RMDN1: variants seen among roughly 807,000 people sequenced by gnomAD.
The protein encoded by RMDN1 is regulator of microtubule dynamics protein 1.
Under a neutral mutation model 48.9 loss-of-function variants are expected in RMDN1, and 48 were observed. That is an observed-to-expected ratio of 0.98 (90% CI 0.78 to 1.25). The LOEUF (loss-of-function observed/expected upper bound fraction) is 1.25. Ranked by LOEUF, RMDN1 falls within the 50% of genes most tolerant of loss-of-function variation. RMDN1 has a pLI of 0.00. For synonymous variants in RMDN1, 148 were observed against 132.6 expected (o/e 1.12, Z -0.80); for missense variants, 418 against 373.4 (o/e 1.12, Z -0.98).
At chr8:86,493,815 T>C (rs185886382) in intron 2 of RMDN1, among the ~76,000 whole-genome samples, 1 of 152,306 alleles carries the variant, frequency 6.6e-6, no homozygotes, top group African/African-American at 2.4e-5. Context: ...GCATAAGATA[T>C]AAATGCAACA....
chr8:86,490,997 A>G (rs2130930710), intron 2 of RMDN1, among the ~76,000 whole-genome samples: 1 of 152,112 alleles, frequency 6.6e-6, no homozygotes, highest in Non-Finnish European at 1.5e-5. Flanking sequence ...ATATCTTTAA[A>G]AAAAAAAGTA....
intron 2 of RMDN1, among the ~76,000 whole-genome samples, chr8:86,490,420 A>G (rs1816298028): frequency 6.6e-6 from 1 of 152,238 alleles, no homozygotes; most frequent in Admixed American, 6.5e-5. Flanking sequence ...AGGAGTGTCA[A>G]TGGAAACAAG....
upstream of RMDN1, among the ~76,000 whole-genome samples, chr8:86,512,837 G>A (rs1820119059): frequency 6.6e-6 from 1 of 151,972 alleles, no homozygotes; most frequent in Non-Finnish European, 1.5e-5. Context: ...ACTCTGGGAG[G>A]CCAAGGCTGG....
Position 86,486,387 on chromosome 8 carries a change from T to C in RMDN1, c.495+97A>G, listed in dbSNP as rs543475141. On this transcript the variant is annotated intron_variant, in intron 4 of 9. Coordinates refer to ENST00000406452, the MANE Select transcript of RMDN1 (RefSeq NM_016033.3). ...AATAAAAAGAAAAAAAAACTTAAAATAGAGAAATTGTTCTTCCAATGTAAA... is the reference window on the plus strand; with the variant it reads ...AATAAAAAGAAAAAAAAACTTAAAACAGAGAAATTGTTCTTCCAATGTAAA... The C allele has an allele frequency of 1.7e-4, 143 of 855,600 alleles. 1 individual carries two copies. The highest frequency in any genetic ancestry group is 1.6e-4 in the East Asian group (5 of 32,032). 53.0% of individuals were successfully genotyped at this position (855,600 alleles called of 1,614,324 possible). A position where few individuals can be genotyped will look rare whatever the true frequency, so the allele number is the denominator to read the frequency against.
upstream of RMDN1, among the ~76,000 whole-genome samples, chr8:86,510,532 A>T (rs1405264223): frequency 1.3e-5 from 2 of 152,188 alleles, no homozygotes; most frequent in African/African-American, 4.8e-5. Flanking sequence ...CCTTGGCACA[A>T]TTGAACTTTT....
chr8:86,470,494 CAG>C, downstream of RMDN1: 1 of 1,127,188 alleles, frequency 8.9e-7, no homozygotes. Context: ...ACCTAACCCT[CAG>C]AGAGTAAAGG....
At chr8:86,493,971 T>C (rs550322363) in intron 2 of RMDN1, among the ~76,000 whole-genome samples, 20 of 152,216 alleles carry the variant, frequency 1.3e-4, no homozygotes, top group Admixed American at 1.3e-3. Context: ...CACTCTATGA[T>C]CTCACTTATA....
chr8:86,478,952 C>G lies in RMDN1; in HGVS notation c.700G>C (p.Ala234Pro). 6.2e-7 allele frequency: 1 copy of G among 1,613,956 alleles called. No individual in the cohort carries two copies. Among genetic ancestry groups the G allele is most frequent in the Non-Finnish European group, 8.5e-7 (1 of 1,179,868 alleles). ...TCATAGGTGGAACTAGGAGGAGTTGCAAACAGCATTTTAGCAATTCTTCTT... is the reference window on the plus strand; with the variant it reads ...TCATAGGTGGAACTAGGAGGAGTTGGAAACAGCATTTTAGCAATTCTTCTT... ...YQRRIAKMLF[A>P]TPPSSTYEKA... Residue 234 changes from alanine (A) to proline (P), a missense_variant, in exon 7 of 10, where the codon GCA (alanine) becomes CCA (proline). Transcript: ENST00000406452.
chr8:86,488,410 TAAATTAAACTCTAAG>T (rs1815855843), intron 3 of RMDN1, 127 bp downstream of exon 3: 1 of 450,468 alleles, frequency 2.2e-6, no homozygotes, highest in Admixed American at 4.1e-5. Flanking sequence ...TAGTATATTA[TAAATTAAACTCTAAG>T]AAATATTTTG....
rs1491204153 is a variant in RMDN1 at position 86,503,390 on chromosome 8, C to CAAAACAAAACAAAACA, written c.247+3604_247+3605insTGTTTTGTTTTGTTTT. ...ACAAAACAAAAAAAAAAAAAAAAAA[C>CAAAACAAAACAAAACA]AAAAAAAAATAACAAAAATAACTTG... On this transcript the variant is annotated intron_variant, in intron 2 of 9. Coordinates refer to ENST00000406452, the MANE Select transcript of RMDN1 (RefSeq NM_016033.3). 2.8e-3 allele frequency among the ~76,000 whole-genome samples: 161 copies of CAAAACAAAACAAAACA among 56,568 alleles called. 4 individuals carry two copies. Among genetic ancestry groups the CAAAACAAAACAAAACA allele is most frequent in the Non-Finnish European group, 3.3e-3 (94 of 28,620 alleles). The allele number at this position is 56,568 out of a possible 152,430, so 37.1% of individuals were successfully genotyped here. A position where few individuals can be genotyped will look rare whatever the true frequency, so the allele number is the denominator to read the frequency against.
In RMDN1 at chr8:86,503,082, G is replaced by GGT. The variant is rs370424113; in HGVS notation, c.247+3911_247+3912dup. Among the ~76,000 whole-genome samples the GGT allele has an allele frequency of 2.0e-5, 3 of 152,196 alleles. No homozygotes were observed. In the East Asian group the frequency reaches 5.8e-4, roughly 29 times the overall value. On this transcript the variant is annotated intron_variant, in intron 2 of 9. Coordinates refer to ENST00000406452, the MANE Select transcript of RMDN1 (RefSeq NM_016033.3). ...AAAATAACTAAGTTAGGCCAGGTGC[G>GGT]GTGGCTCACGCCTGTAATCCCAGCA... is the stretch of plus-strand genomic sequence containing the variant.
Position 86,486,495 on chromosome 8 carries a change from C to T in RMDN1, c.484G>A (p.Ala162Thr), listed in dbSNP as rs1051215859. ...RALEKNESSF[A>T]SHKWYAICLS... Reference sequence around the variant, plus strand: ...GTTAAGCAACTCACCTTATGAGATGCAAAACTTGATTCATTTTTTTCTAGT... The same window carrying T: ...GTTAAGCAACTCACCTTATGAGATGTAAAACTTGATTCATTTTTTTCTAGT... Residue 162 changes from alanine (A) to threonine (T), a missense_variant, in exon 4 of 10, where the codon GCA becomes ACA. Physicochemically the swap from Ala to Thr is moderately conservative, Grantham distance 58 (BLOSUM62 0). Coordinates refer to ENST00000406452, the MANE Select transcript of RMDN1 (RefSeq NM_016033.3). 6.3e-7 allele frequency: 1 copy of T among 1,596,854 alleles called. No homozygotes were observed. Among genetic ancestry groups the T allele is most frequent in the Non-Finnish European group, 8.6e-7 (1 of 1,169,582 alleles).
At chr8:86,495,541 G>T (rs867128135) in intron 2 of RMDN1, among the ~76,000 whole-genome samples, 1 of 152,142 alleles carries the variant, frequency 6.6e-6, no homozygotes, top group South Asian at 2.1e-4. Flanking sequence ...GACATGGAGA[G>T]AGCAGGGCTG....
In RMDN1 at chr8:86,506,952, A is replaced by G. The variant is rs764022102; in HGVS notation, c.247+43T>C. ...AAATAAAAATTCTGAATGTACGCAC[A>G]CAAAAAAACTCTAAATGTTCCATAT... On this transcript the variant is annotated intron_variant, in intron 2 of 9. Coordinates refer to ENST00000406452, the MANE Select transcript of RMDN1 (RefSeq NM_016033.3). The G allele has an allele frequency of 3.9e-6, 4 of 1,035,140 alleles. No individual in the cohort carries two copies. In the Admixed American group the frequency reaches 6.1e-5, roughly 16 times the overall value. The allele number at this position is 1,035,140 out of a possible 1,614,324, so 64.1% of individuals were successfully genotyped here. A position where few individuals can be genotyped will look rare whatever the true frequency, so the allele number is the denominator to read the frequency against.
chr8:86,494,439 C>T (rs566729427), intron 2 of RMDN1, among the ~76,000 whole-genome samples: 1 of 152,186 alleles, frequency 6.6e-6, no homozygotes, highest in Non-Finnish European at 1.5e-5. Flanking sequence ...GCCTGTAGTC[C>T]CAGCTACTAG....
chr8:86,510,813 G>T (rs776670820), upstream of RMDN1, among the ~76,000 whole-genome samples: 15 of 152,308 alleles, frequency 9.8e-5, no homozygotes, highest in Non-Finnish European at 1.8e-4. Context: ...GAGGAAAGGT[G>T]TGGAAGTTTG....
chr8:86,476,216 T>G (rs1813349788), intron 8 of RMDN1, among the ~76,000 whole-genome samples: 1 of 152,226 alleles, frequency 6.6e-6, no homozygotes, highest in Non-Finnish European at 1.5e-5. Flanking sequence ...TGTAATTAAC[T>G]TTTAAATCTG....
At chr8:86,499,218 C>T (rs187053673) in intron 2 of RMDN1, among the ~76,000 whole-genome samples, 3 of 152,186 alleles carry the variant, frequency 2.0e-5, no homozygotes, top group East Asian at 3.9e-4. Flanking sequence ...CTAGCCAAAG[C>T]AATCAGTCAA....
At chr8:86,511,836 GA>G (rs144306786), upstream of RMDN1, among the ~76,000 whole-genome samples, 18,439 of 143,320 alleles carry the variant, frequency 0.13, 3,037 homozygotes, top group African/African-American at 0.39. Flanking sequence ...AAAAGAAAAA[GA>G]AAAAAAAAAG....
Sources: allele counts gnomAD v4.1 joint callset (sites outside exome capture counted in the v4.1 genomes callset), GRCh38; gene constraint gnomAD v4.1.1; transcripts MANE v1.5; gene names NCBI Gene and HGNC (gene_info 2026-07-23, HGNC 2026-07-21).